FZD4: variants seen among roughly 807,000 people sequenced by gnomAD.
The protein encoded by FZD4 is frizzled class receptor 4.
A neutral mutation model predicts 37.3 loss-of-function variants in FZD4; 16 were observed. The observed-to-expected ratio is 0.43, with a 90% confidence interval of 0.29 to 0.65. The LOEUF (loss-of-function observed/expected upper bound fraction) is 0.65. FZD4 is among the 30% of genes least tolerant of loss of function. FZD4 has a pLI of 0.16. For synonymous variants in FZD4, 246 were observed against 254.8 expected (o/e 0.97, Z 0.33); for missense variants, 599 against 674.3 (o/e 0.89, Z 1.24).
At position 86,950,447 on chromosome 11, in the gene FZD4, G is replaced by A. The variant is rs1949280272; in HGVS notation, c.*695C>T. 1 of 152,714 alleles carries A rather than the reference G, an allele frequency of 6.5e-6. No homozygotes were observed. Among genetic ancestry groups the A allele is most frequent in the Non-Finnish European group, 1.5e-5 (1 of 68,126 alleles). 9.5% of individuals were successfully genotyped at this position (152,714 alleles called of 1,614,324 possible). ...AGCAGCAGCCAAGAAGAGAGATGTTGAAATTTAAGAGAGGAAGACAGAGAA... is the reference window on the plus strand; with the variant it reads ...AGCAGCAGCCAAGAAGAGAGATGTTAAAATTTAAGAGAGGAAGACAGAGAA... On this transcript the variant is annotated 3_prime_UTR_variant, in exon 2 of 2. Transcript: ENST00000531380.
chr11:86,955,185 C>T lies in FZD4; in HGVS notation c.-100G>A. On this transcript the variant is annotated 5_prime_UTR_variant, in exon 1 of 2. Coordinates refer to ENST00000531380, the MANE Select transcript of FZD4 (RefSeq NM_012193.4). Reference sequence around the variant, plus strand: ...GGCTGCCCGCGCTGCTCCCAGCTCCCGGGACGGGAGTGTGATGCGGCGACG... The same window carrying T: ...GGCTGCCCGCGCTGCTCCCAGCTCCTGGGACGGGAGTGTGATGCGGCGACG... 2.1e-6 allele frequency: 2 copies of T among 966,278 alleles called. No individual in the cohort carries two copies. Among genetic ancestry groups the T allele is most frequent in the Admixed American group, 3.8e-5 (1 of 26,458 alleles). The allele number at this position is 966,278 out of a possible 1,614,324, so 59.9% of individuals were successfully genotyped here.
Position 86,951,682 on chromosome 11 carries a change from T to C in FZD4, c.1074A>G (p.Lys358=), listed in dbSNP as rs758288341. 5 of 1,614,128 alleles carry C rather than the reference T, an allele frequency of 3.1e-6. No individual in the cohort carries two copies. ...HIAAWAIPAV[K]TIVILIMRLV... is the part of the protein sequence containing the mutation. Reference sequence around the variant, plus strand: ...GTCTCATAATCAAGATGACAATGGTTTTCACTGCGGGGATGGCCCAGGCTG... The same window carrying C: ...GTCTCATAATCAAGATGACAATGGTCTTCACTGCGGGGATGGCCCAGGCTG... The change falls in exon 2 of 2, where the codon AAA becomes AAG. Residue 358 remains lysine (K), a synonymous_variant. Coordinates refer to ENST00000531380, the MANE Select transcript of FZD4 (RefSeq NM_012193.4).
chr11:86,951,517 C>T lies in FZD4; in HGVS notation c.1239G>A (p.Leu413=). 2 of 1,614,130 alleles carry T rather than the reference C, an allele frequency of 1.2e-6. No individual in the cohort carries two copies. Among genetic ancestry groups the T allele is most frequent in the Non-Finnish European group, 8.5e-7 (1 of 1,180,032 alleles). The change falls in exon 2 of 2, where the codon TTG becomes TTA. Residue 413 remains leucine, a synonymous_variant. Coordinates refer to ENST00000531380, the MANE Select transcript of FZD4 (RefSeq NM_012193.4). ...TLFIAAGLVA[L]FKIRSNLQKD... is the part of the protein sequence containing the mutation. Reference sequence around the variant, plus strand: ...TTTGAAGATTTGACCGAATTTTGAACAAGGCCACCAAACCTGCAGCAATGA... The same window carrying T: ...TTTGAAGATTTGACCGAATTTTGAATAAGGCCACCAAACCTGCAGCAATGA...
At chr11:86,953,914 C>G (rs1949315655) in intron 1 of FZD4, among the ~76,000 whole-genome samples, 1 of 152,182 alleles carries the variant, frequency 6.6e-6, no homozygotes, top group Non-Finnish European at 1.5e-5. Context: ...TGCGCCCGGC[C>G]AGAAACCAGA....
Position 86,954,996 on chromosome 11 carries a change from G to A in FZD4, c.90C>T (p.Leu30=), listed in dbSNP as rs1445877366. ...SLGLLLQLLL[L]LGPARGFGDE... is the part of the protein sequence containing the mutation. ...CCCCGAAGCCCCGCGCCGGCCCCAG[G>A]AGCAGCAGCAACTGCAGGAGCAACC... The change falls in exon 1 of 2, where the codon CTC becomes CTT. Residue 30 remains leucine (L), a synonymous_variant. Transcript: ENST00000531380. The A allele has an allele frequency of 5.6e-6, 9 of 1,612,196 alleles. No individual in the cohort carries two copies. Among genetic ancestry groups the A allele is most frequent in the African/African-American group, 2.7e-5 (2 of 74,872 alleles).
Position 86,952,227 on chromosome 11 carries a change from G to A in FZD4, c.529C>T (p.Pro177Ser). 2 of 1,614,142 alleles carry A rather than the reference G, an allele frequency of 1.2e-6. No homozygotes were observed. Among genetic ancestry groups the A allele is most frequent in the Non-Finnish European group, 1.7e-6 (2 of 1,179,992 alleles). Residue 177 changes from proline (P) to serine (S), a missense_variant, in exon 2 of 2, where the codon CCT (proline) becomes TCT (serine). Transcript: ENST00000531380. ...CCCACAGAGTGACACTCTTCCCCAG[G>A]CTGGATGGGGGTTTTGTGAGGTAAG... The part of the protein sequence containing the change: ...VPLPHKTPIQ[P>S]GEECHSVGTN...
chr11:86,952,797 T>C, intron 1 of FZD4: 1 of 191,388 alleles, frequency 5.2e-6, no homozygotes, highest in Admixed American at 5.5e-5. Flanking sequence ...GCTTTCAATC[T>C]CCTTCCATTT....
Position 86,949,570 on chromosome 11 carries a change from C to G in FZD4, c.*1572G>C, listed in dbSNP as rs4944641. ...TGTCCCCAAGATCTCATGATTAGAA[C>G]GCCTAAGGCAAGGTAAGAGAAAGGC... On this transcript the variant is annotated 3_prime_UTR_variant, in exon 2 of 2. Coordinates refer to ENST00000531380, the MANE Select transcript of FZD4 (RefSeq NM_012193.4). 0.99 allele frequency: 151,038 copies of G among 152,776 alleles called. 74,765 individuals are homozygous for G. Among genetic ancestry groups the G allele is most frequent in the Middle Eastern group, 1 (294 of 294 alleles). The allele number at this position is 152,776 out of a possible 1,614,324, so 9.5% of individuals were successfully genotyped here.
Position 86,949,213 on chromosome 11 carries a change from C to T in FZD4, c.*1929G>A, listed in dbSNP as rs1004647123. 8.5e-5 allele frequency: 13 copies of T among 152,066 alleles called. 1 individual carries two copies. The highest frequency in any genetic ancestry group is 2.7e-4 in the African/African-American group (11 of 41,408). 9.4% of individuals were successfully genotyped at this position (152,066 alleles called of 1,614,324 possible). A position where few individuals can be genotyped will look rare whatever the true frequency, so the allele number is the denominator to read the frequency against. ...TTTGCCTTCCAAAACATACAATCGACTTTACATGCATCTTGATGTCAGAGA... is the reference window on the plus strand; with the variant it reads ...TTTGCCTTCCAAAACATACAATCGATTTTACATGCATCTTGATGTCAGAGA... On this transcript the variant is annotated 3_prime_UTR_variant, in exon 2 of 2. Coordinates refer to ENST00000531380, the MANE Select transcript of FZD4 (RefSeq NM_012193.4).
In FZD4 at chr11:86,950,329, A is replaced by C. The variant is rs1296144888; in HGVS notation, c.*813T>G. 1.3e-5 allele frequency: 2 copies of C among 152,726 alleles called. No individual in the cohort carries two copies. The highest frequency in any genetic ancestry group is 4.8e-5 in the African/African-American group (2 of 41,472). 9.5% of individuals were successfully genotyped at this position (152,726 alleles called of 1,614,324 possible). A position where few individuals can be genotyped will look rare whatever the true frequency, so the allele number is the denominator to read the frequency against. On this transcript the variant is annotated 3_prime_UTR_variant, in exon 2 of 2. Coordinates refer to ENST00000531380, the MANE Select transcript of FZD4 (RefSeq NM_012193.4). ...GAATTAAGTGATTGTCAGAAAGTGA[A>C]TCACCCTTCCTTTTCCCCTCTTTAA... is the stretch of plus-strand genomic sequence containing the variant.
chr11:86,954,903 G>T lies in FZD4; in HGVS notation c.183C>A (p.Thr61=), dbSNP rs2135045311. 1 of 1,613,536 alleles carries T rather than the reference G, an allele frequency of 6.2e-7. No homozygotes were observed. The highest frequency in any genetic ancestry group is 1.7e-5 in the Admixed American group (1 of 60,016). Residue 61 remains threonine, a synonymous_variant, in exon 1 of 2, where the codon ACC becomes ACA. Transcript: ENST00000531380. The part of the protein sequence containing the change: ...SMCQNLGYNV[T]KMPNLVGHEL... ...CGTGCCCAACCAGGTTGGGCATCTTGGTCACGTTGTAGCCGAGGTTCTGGC... is the reference window on the plus strand; with the variant it reads ...CGTGCCCAACCAGGTTGGGCATCTTTGTCACGTTGTAGCCGAGGTTCTGGC...
rs750475586 is a variant in FZD4, at chr11:86,954,987, C to A, written c.99G>T (p.Pro33=). The A allele has an allele frequency of 4.3e-6, 7 of 1,612,808 alleles. No homozygotes were observed. Among genetic ancestry groups the A allele is most frequent in the Admixed American group, 1.7e-5 (1 of 60,004 alleles). Residue 33 remains proline, a synonymous_variant, in exon 1 of 2, where the codon CCG becomes CCT. Coordinates refer to ENST00000531380, the MANE Select transcript of FZD4 (RefSeq NM_012193.4). The stretch of plus-strand genomic sequence containing the variant: ...CTTCCTCGTCCCCGAAGCCCCGCGC[C>A]GGCCCCAGGAGCAGCAGCAACTGCA... The part of the protein sequence containing the change: ...LLLQLLLLLG[P]ARGFGDEEER...
chr11:86,950,971 T>C lies in FZD4; in HGVS notation c.*171A>G. The C allele has an allele frequency of 1.4e-6, 1 of 706,870 alleles. No individual in the cohort carries two copies. The highest frequency in any genetic ancestry group is 2.4e-6 in the Non-Finnish European group (1 of 408,224). The allele number at this position is 706,870 out of a possible 1,614,324, so 43.8% of individuals were successfully genotyped here. ...ATTCCAAAGTCTGCAGCAAAATCATTGGTTTTTTGATGCTGGGGTCGGGGT... is the reference window on the plus strand; with the variant it reads ...ATTCCAAAGTCTGCAGCAAAATCATCGGTTTTTTGATGCTGGGGTCGGGGT... On this transcript the variant is annotated 3_prime_UTR_variant, in exon 2 of 2. Coordinates refer to ENST00000531380, the MANE Select transcript of FZD4 (RefSeq NM_012193.4).
chr11:86,953,638 C>A (rs560199239), intron 1 of FZD4, among the ~76,000 whole-genome samples: 1 of 151,360 alleles, frequency 6.6e-6, no homozygotes, highest in African/African-American at 2.4e-5. Context: ...TTTTTTGATA[C>A]GGAGTTTCGC....
In FZD4 at chr11:86,945,958, A is replaced by G. The variant is rs1368489705; in HGVS notation, c.*5184T>C. 2.0e-5 allele frequency: 3 copies of G among 152,638 alleles called. No individual in the cohort carries two copies. Among genetic ancestry groups the G allele is most frequent in the Admixed American group, 1.3e-4 (2 of 15,284 alleles). 9.5% of individuals were successfully genotyped at this position (152,638 alleles called of 1,614,324 possible). ...GTGGCATGAGGACCCAAGAAAGGCCACAGAGCATCCAGCCCGACTGCTGCA... is the reference window on the plus strand; with the variant it reads ...GTGGCATGAGGACCCAAGAAAGGCCGCAGAGCATCCAGCCCGACTGCTGCA... On this transcript the variant is annotated 3_prime_UTR_variant, in exon 2 of 2. Transcript: ENST00000531380.
chr11:86,949,919 G>T lies in FZD4; in HGVS notation c.*1223C>A, dbSNP rs555099677. 13 of 152,700 alleles carry T rather than the reference G, an allele frequency of 8.5e-5. No homozygotes were observed. Among genetic ancestry groups the T allele is most frequent in the African/African-American group, 2.6e-4 (11 of 41,578 alleles). The allele number at this position is 152,700 out of a possible 1,614,324, so 9.5% of individuals were successfully genotyped here. ...CAAGTAGTTGGATTAGCTGTCCTCA[G>T]TTCCCTTTATAAAACTGAAAAAGTC... On this transcript the variant is annotated 3_prime_UTR_variant, in exon 2 of 2. Transcript: ENST00000531380.
Position 86,955,275 on chromosome 11 carries a change from C to T in FZD4, c.-190G>A, listed in dbSNP as rs1400860979. On this transcript the variant is annotated 5_prime_UTR_variant, in exon 1 of 2. Coordinates refer to ENST00000531380, the MANE Select transcript of FZD4 (RefSeq NM_012193.4). ...GTGTGGGATTTTAGACGTCCCGGGC[C>T]GAGGCCGAGGGACAGGCTGCGAGGG... is the stretch of plus-strand genomic sequence containing the variant. 1.1e-5 allele frequency: 5 copies of T among 475,616 alleles called. No individual in the cohort carries two copies. Among genetic ancestry groups the T allele is most frequent in the African/African-American group, 2.1e-5 (1 of 48,756 alleles). The allele number at this position is 475,616 out of a possible 1,614,324, so 29.5% of individuals were successfully genotyped here.
rs1341502215 is a variant in FZD4 at position 86,948,076 on chromosome 11, C to T, written c.*3066G>A. 1 of 152,176 alleles carries T rather than the reference C, an allele frequency of 6.6e-6. No individual in the cohort carries two copies. The highest frequency in any genetic ancestry group is 2.4e-5 in the African/African-American group (1 of 41,420). The allele number at this position is 152,176 out of a possible 1,614,324, so 9.4% of individuals were successfully genotyped here. ...CTCATAGTCTTCCTAAGGGATTTCTCCAGAGACTGTCACGAAGCAGAGCTG... is the reference window on the plus strand; with the variant it reads ...CTCATAGTCTTCCTAAGGGATTTCTTCAGAGACTGTCACGAAGCAGAGCTG... On this transcript the variant is annotated 3_prime_UTR_variant, in exon 2 of 2. Coordinates refer to ENST00000531380, the MANE Select transcript of FZD4 (RefSeq NM_012193.4).
At chr11:86,953,997 C>T (rs1949316101) in intron 1 of FZD4, among the ~76,000 whole-genome samples, 1 of 152,176 alleles carries the variant, frequency 6.6e-6, no homozygotes, top group Admixed American at 6.5e-5. Context: ...TAAAAATCAC[C>T]CAGCCTCACC....
Sources: gnomAD v4.1 joint callset for allele counts (sites outside exome capture counted in the v4.1 genomes callset) on GRCh38, gnomAD v4.1.1 for gene constraint, MANE v1.5 for transcripts, NCBI Gene and HGNC (gene_info 2026-07-23, HGNC 2026-07-21) for gene names.